KIF13B: variants seen among roughly 807,000 people sequenced by gnomAD.
KIF13B encodes kinesin-like protein KIF13B.
In KIF13B, 127 loss-of-function variants were observed where a neutral mutation model predicts 222.0. The ratio of observed to expected loss-of-function variants is 0.57; its 90% CI spans 0.50 to 0.66. The LOEUF is 0.66. Among genes scored for constraint, KIF13B ranks in the 30% least tolerant of loss-of-function variants. The pLI is 0.00. For missense variants in KIF13B, 2,173 were observed against 2,379.0 expected (o/e 0.91, Z 1.80); for synonymous variants, 976 against 919.0 (o/e 1.06, Z -1.12).
intron 30 of KIF13B, among the ~76,000 whole-genome samples, chr8:29,118,115 A>G (rs1191446517): frequency 2.0e-5 from 3 of 151,012 alleles, no homozygotes; most frequent in Admixed American, 6.6e-5. Context: ...CTGAGATCGC[A>G]CCATTGCGCT....
At chr8:29,216,834 A>G (rs1275985345) in intron 2 of KIF13B, among the ~76,000 whole-genome samples, 1 of 152,100 alleles carries the variant, frequency 6.6e-6, no homozygotes. Flanking sequence ...AACCTATGTG[A>G]CTAAGGCTAA....
At chr8:29,204,295 G>C (rs1586922300) in intron 2 of KIF13B, among the ~76,000 whole-genome samples, 1 of 152,136 alleles carries the variant, frequency 6.6e-6, no homozygotes, top group South Asian at 2.1e-4. Context: ...CATATACTGG[G>C]ATAGCATAAT....
intron 31 of KIF13B, among the ~76,000 whole-genome samples, chr8:29,116,368 C>A (rs1028539939): frequency 3.3e-5 from 5 of 152,078 alleles, no homozygotes; most frequent in Non-Finnish European, 1.5e-5. Context: ...ACCGGGGAGG[C>A]TGAGATGGAA....
chr8:29,191,840 A>C (rs944499124), intron 3 of KIF13B, among the ~76,000 whole-genome samples: 1 of 152,226 alleles, frequency 6.6e-6, no homozygotes, highest in Admixed American at 6.5e-5. Context: ...GATTTCTGTC[A>C]GTTTGAAATC....
chr8:29,229,912 A>G (rs964622690), intron 2 of KIF13B, among the ~76,000 whole-genome samples: 1 of 152,242 alleles, frequency 6.6e-6, no homozygotes, highest in Non-Finnish European at 1.5e-5. Flanking sequence ...GTTAATATTT[A>G]TTGAGTACCT....
chr8:29,207,042 C>T (rs1813982691), intron 2 of KIF13B, among the ~76,000 whole-genome samples: 1 of 152,150 alleles, frequency 6.6e-6, no homozygotes, highest in South Asian at 2.1e-4. Flanking sequence ...CACATCTAAA[C>T]CACACACTGA....
intron 12 of KIF13B, among the ~76,000 whole-genome samples, chr8:29,163,738 G>A (rs1229957951): frequency 6.6e-6 from 1 of 152,186 alleles, no homozygotes; most frequent in African/African-American, 2.4e-5. Flanking sequence ...ATAAAATCAG[G>A]CAGTGCCCCC....
chr8:29,208,557 A>G (rs886978361), intron 2 of KIF13B, among the ~76,000 whole-genome samples: 1 of 152,186 alleles, frequency 6.6e-6, no homozygotes, highest in Non-Finnish European at 1.5e-5. Context: ...AAAGGTTAAG[A>G]AACAGTGTGC....
At chr8:29,203,892 C>CAAAAA (rs11432771) in intron 2 of KIF13B, among the ~76,000 whole-genome samples, 25 of 65,900 alleles carry the variant, frequency 3.8e-4, no homozygotes, top group African/African-American at 5.9e-4. Context: ...AGTTCCGTCT[C>CAAAAA]AAAAAAAAAA....
At chr8:29,168,904 C>CA (rs1459242034) in intron 10 of KIF13B, among the ~76,000 whole-genome samples, 2 of 152,136 alleles carry the variant, frequency 1.3e-5, no homozygotes, top group African/African-American at 4.8e-5. Flanking sequence ...GATAACTACT[C>CA]ATATATTAGG....
intron 35 of KIF13B, among the ~76,000 whole-genome samples, chr8:29,106,218 C>G (rs953113093): frequency 6.6e-6 from 1 of 152,218 alleles, no homozygotes; most frequent in East Asian, 1.9e-4. Flanking sequence ...CTTCAGCACA[C>G]TTACAGAAAC....
intron 37 of KIF13B, among the ~76,000 whole-genome samples, chr8:29,081,393 A>G (rs1271187051): frequency 2.0e-5 from 3 of 152,252 alleles, no homozygotes; most frequent in Admixed American, 1.3e-4. Flanking sequence ...ATTTTAATTA[A>G]TAAAGCATAA....
At chr8:29,149,641 G>A (rs527444173) in intron 15 of KIF13B, among the ~76,000 whole-genome samples, 2 of 152,296 alleles carry the variant, frequency 1.3e-5, no homozygotes, top group South Asian at 4.2e-4. Context: ...TGGATGAACA[G>A]GACAGTCAGG....
chr8:29,189,623 C>G (rs1389166115), intron 4 of KIF13B: 1 of 152,228 alleles, frequency 6.6e-6, no homozygotes, highest in Non-Finnish European at 1.5e-5. Flanking sequence ...AAAGAGAAAA[C>G]TGAAGCTCTG....
chr8:29,130,737 A>C, intron 23 of KIF13B, 72 bp from the exon 24 acceptor site: 1 of 1,387,742 alleles, frequency 7.2e-7, no homozygotes, highest in Non-Finnish European at 1.0e-6. Context: ...GGTCCTACAC[A>C]CATAAGAATT....
intron 13 of KIF13B, among the ~76,000 whole-genome samples, chr8:29,156,793 T>C (rs1001082786): frequency 3.3e-5 from 5 of 151,846 alleles, no homozygotes; most frequent in African/African-American, 1.2e-4. Flanking sequence ...AGTACTGGGA[T>C]GACATGTGTG....
At chr8:29,240,351 C>T (rs887835274) in intron 2 of KIF13B, among the ~76,000 whole-genome samples, 7 of 147,366 alleles carry the variant, frequency 4.8e-5, no homozygotes, top group Non-Finnish European at 8.9e-5. Flanking sequence ...GCCGCTTTCA[C>T]GTAAGAATGT....
chr8:29,108,111 C>T, intron 35 of KIF13B, 28 bp downstream of exon 35: 1 of 1,584,524 alleles, frequency 6.3e-7, no homozygotes, highest in Non-Finnish European at 8.6e-7. Flanking sequence ...GGACTTAAAA[C>T]ACTGATAGAA....
At chr8:29,200,300 C>T (rs1026605220) in intron 2 of KIF13B, among the ~76,000 whole-genome samples, 6 of 152,178 alleles carry the variant, frequency 3.9e-5, no homozygotes, top group Non-Finnish European at 8.8e-5. Context: ...AGCCATGTCT[C>T]ACTCATCCCA....
Sources: allele counts gnomAD v4.1 joint callset (sites outside exome capture counted in the v4.1 genomes callset), GRCh38; gene constraint gnomAD v4.1.1; transcripts MANE v1.5; gene names NCBI Gene and HGNC (gene_info 2026-07-23, HGNC 2026-07-21).